Variants in HOMER1 observed in about 807,000 individuals in gnomAD.
HOMER1 encodes the protein homer scaffold protein 1, also known as homer protein homolog 1.
HOMER1 carries 3 observed loss-of-function variants against 48.9 expected under a neutral mutation model. The ratio of observed to expected loss-of-function variants is 0.06; its 90% CI spans 0.03 to 0.16. The LOEUF is 0.16. Ranked by LOEUF, HOMER1 falls within the 10% of genes least tolerant of loss-of-function variation. The probability of loss-of-function intolerance (pLI) is 1.00; values close to 1 mark genes in which losing one functional copy is unlikely to be tolerated. For missense variants in HOMER1, 247 were observed against 411.4 expected, an observed-to-expected ratio of 0.60 and a Z score of 3.46; for synonymous variants, 134 against 146.4, an observed-to-expected ratio of 0.92 and a Z score of 0.61.
At chr5:79,445,981 C>T (rs559716508) in intron 4 of HOMER1, among the ~76,000 whole-genome samples, 10 of 152,146 alleles carry the variant, frequency 6.6e-5, no homozygotes, top group African/African-American at 1.9e-4. Context: ...TGTGCACGCA[C>T]GTGCATGTAT....
intron 5 of HOMER1, among the ~76,000 whole-genome samples, chr5:79,429,503 A>C (rs28516515): frequency 6.6e-6 from 1 of 152,168 alleles, no homozygotes; most frequent in Non-Finnish European, 1.5e-5. Context: ...GTGTATAAAA[A>C]GCAGTCTTTT....
Position 79,512,923 on chromosome 5 carries a change from C to CA in HOMER1, c.-150dup. On this transcript the variant is annotated 5_prime_UTR_variant, in exon 1 of 9. It removes the in-frame stop codon of an upstream open reading frame in the 5' UTR. Transcript: ENST00000334082. ...AGGTATTTCAAGGATGCTGCCAATT[C>CA]AATTAGTTCTCTTAGGTAAAATGAT... 3 of 695,274 alleles carry CA rather than the reference C, an allele frequency of 4.3e-6. No individual in the cohort carries two copies. The highest frequency in any genetic ancestry group is 7.7e-6 in the Non-Finnish European group (3 of 390,200). 43.1% of individuals were successfully genotyped at this position (695,274 alleles called of 1,614,324 possible).
intron 5 of HOMER1, among the ~76,000 whole-genome samples, chr5:79,408,008 T>C (rs1749711899): frequency 6.6e-6 from 1 of 152,212 alleles, no homozygotes; most frequent in Admixed American, 6.5e-5. Flanking sequence ...ATTCCTATAA[T>C]TGTCCTATTT....
At chr5:79,416,431 T>G (rs1201154636) in intron 5 of HOMER1, among the ~76,000 whole-genome samples, 1 of 152,210 alleles carries the variant, frequency 6.6e-6, no homozygotes, top group East Asian at 1.9e-4. Context: ...CTTTAGTGCA[T>G]AGTTTCCCAT....
At chr5:79,461,469 T>A (rs1311277786) in intron 1 of HOMER1, among the ~76,000 whole-genome samples, 1 of 152,218 alleles carries the variant, frequency 6.6e-6, no homozygotes, top group East Asian at 1.9e-4. Flanking sequence ...GAGAAATGAA[T>A]GGTCCATGTT....
At chr5:79,507,319 T>C (rs1752806699) in intron 1 of HOMER1, among the ~76,000 whole-genome samples, 1 of 151,738 alleles carries the variant, frequency 6.6e-6, no homozygotes, top group Non-Finnish European at 1.5e-5. Context: ...TCAATTCTTC[T>C]AGATGGTAGA....
intron 8 of HOMER1, among the ~76,000 whole-genome samples, chr5:79,386,996 TC>T (rs1749129798): frequency 1.1e-5 from 1 of 92,694 alleles, no homozygotes; most frequent in South Asian, 4.3e-4. Context: ...TCTCTGAACC[TC>T]CCCCTCCCCC....
chr5:79,417,053 G>C (rs1039108901), intron 5 of HOMER1, among the ~76,000 whole-genome samples: 4 of 152,046 alleles, frequency 2.6e-5, no homozygotes, highest in South Asian at 4.1e-4. Context: ...AAAACGAATT[G>C]ACCCAAGGTG....
At chr5:79,454,354 A>G (rs1751106997) in intron 2 of HOMER1, among the ~76,000 whole-genome samples, 2 of 151,998 alleles carry the variant, frequency 1.3e-5, no homozygotes, top group Non-Finnish European at 1.5e-5. Flanking sequence ...TTTTTCTGTT[A>G]CCTCTGTTAA....
rs562151154 is a variant in HOMER1 at position 79,437,402 on chromosome 5, T to C, written c.527+1608A>G. 9.2e-5 allele frequency among the ~76,000 whole-genome samples: 14 copies of C among 152,300 alleles called. No homozygotes were observed. The South Asian group carries it at 2.5e-3, about 27-fold the overall frequency. Reference sequence around the variant, plus strand: ...TAGTAAAATATTTTTTAAAATTGCATACTAATATGATTATTTAATTGTAAC... The same window carrying C: ...TAGTAAAATATTTTTTAAAATTGCACACTAATATGATTATTTAATTGTAAC... On this transcript the variant is annotated intron_variant, in intron 5 of 8. Transcript: ENST00000334082.
chr5:79,470,623 T>C lies in HOMER1; in HGVS notation c.6-13605A>G, dbSNP rs541130102. Among the ~76,000 whole-genome samples, 8 of 152,246 alleles carry C rather than the reference T, an allele frequency of 5.3e-5. No individual in the cohort carries two copies. The East Asian group carries it at 1.4e-3, about 26-fold the overall frequency. On this transcript the variant is annotated intron_variant, in intron 1 of 8. Coordinates refer to ENST00000334082, the MANE Select transcript of HOMER1 (RefSeq NM_004272.5). ...CATCAAAGAACTAAAATTAAAACCA[T>C]GAGTTGTCTTTTTTTACCTGTCAAC...
chr5:79,409,123 T>C (rs1749747025), intron 5 of HOMER1, among the ~76,000 whole-genome samples: 1 of 145,062 alleles, frequency 6.9e-6, no homozygotes. Flanking sequence ...AATGCAAAGA[T>C]GGTTCAACAT....
At chr5:79,453,177 C>T (rs565387701) in intron 2 of HOMER1, among the ~76,000 whole-genome samples, 1 of 152,140 alleles carries the variant, frequency 6.6e-6, no homozygotes, top group African/African-American at 2.4e-5. Context: ...CAGGATGTGA[C>T]AGAGTGAAAC....
intron 3 of HOMER1, among the ~76,000 whole-genome samples, chr5:79,449,879 G>C (rs1750985639): frequency 6.6e-6 from 1 of 151,962 alleles, no homozygotes; most frequent in South Asian, 2.1e-4. Context: ...ATATCCAAAA[G>C]ATAACAAAAA....
At chr5:79,457,233 A>C (rs553088147) in intron 1 of HOMER1, among the ~76,000 whole-genome samples, 5 of 152,224 alleles carry the variant, frequency 3.3e-5, no homozygotes, top group Non-Finnish European at 7.3e-5. Flanking sequence ...GAGTCTGTAC[A>C]TGTGAATTCA....
chr5:79,427,601 G>T (rs534781084), intron 5 of HOMER1, among the ~76,000 whole-genome samples: 6 of 152,020 alleles, frequency 3.9e-5, no homozygotes, highest in African/African-American at 1.4e-4. Flanking sequence ...GTTGGCCATG[G>T]TATGTTTACA....
intron 8 of HOMER1, among the ~76,000 whole-genome samples, chr5:79,382,367 A>C (rs1379575277): frequency 6.6e-6 from 1 of 152,210 alleles, no homozygotes; most frequent in South Asian, 2.1e-4. Flanking sequence ...CATTATAGTC[A>C]AATTGTCTAA....
intron 1 of HOMER1, among the ~76,000 whole-genome samples, chr5:79,460,625 G>T (rs907604765): frequency 6.6e-6 from 1 of 152,094 alleles, no homozygotes; most frequent in Non-Finnish European, 1.5e-5. Context: ...GTAATAGATT[G>T]GATATAGGGC....
intron 5 of HOMER1, among the ~76,000 whole-genome samples, chr5:79,415,368 A>G (rs1330197009): frequency 6.6e-6 from 1 of 152,136 alleles, no homozygotes; most frequent in Non-Finnish European, 1.5e-5. Flanking sequence ...TTAAAGAAAC[A>G]ATGTATCACC....
Sources: gnomAD v4.1 joint callset for allele counts (sites outside exome capture counted in the v4.1 genomes callset) on GRCh38, gnomAD v4.1.1 for gene constraint, MANE v1.5 for transcripts, NCBI Gene and HGNC (gene_info 2026-07-23, HGNC 2026-07-21) for gene names.